The following CCSER1 variants were observed in gnomAD, a reference collection of about 807,000 sequenced individuals.
The protein encoded by CCSER1 is serine-rich coiled-coil domain-containing protein 1.
In CCSER1, 41 loss-of-function variants were observed where a neutral mutation model predicts 82.0. That is an observed-to-expected ratio of 0.50 (90% confidence interval 0.39 to 0.65). The LOEUF (loss-of-function observed/expected upper bound fraction) is 0.65. Among genes scored for constraint, CCSER1 ranks in the 30% least tolerant of loss-of-function variants. The pLI, the probability that CCSER1 is intolerant of heterozygous loss-of-function variation, is 0.00. For missense variants in CCSER1, 1,119 were observed against 1,064.2 expected (o/e 1.05, Z -0.72); for synonymous variants, 414 against 383.9 (o/e 1.08, Z -0.92).
intron 10 of CCSER1, among the ~76,000 whole-genome samples, chr4:91,473,027 A>G (rs1251787866): frequency 6.6e-6 from 1 of 151,062 alleles, no homozygotes; most frequent in Admixed American, 6.6e-5. Context: ...TGTGGTTACT[A>G]CCAACTCCAA....
chr4:91,413,260 T>C (rs1259001111), intron 10 of CCSER1, among the ~76,000 whole-genome samples: 1 of 151,994 alleles, frequency 6.6e-6, no homozygotes, highest in Non-Finnish European at 1.5e-5. Context: ...CTGGGAAACA[T>C]AGCAAGACCT....
At chr4:90,870,506 A>G (rs765056692) in intron 8 of CCSER1, among the ~76,000 whole-genome samples, 28 of 151,576 alleles carry the variant, frequency 1.8e-4, no homozygotes, top group Non-Finnish European at 1.5e-5. Flanking sequence ...TTTGCATTTG[A>G]TGAACCATTT....
chr4:91,437,320 C>T (rs931191897), intron 10 of CCSER1, among the ~76,000 whole-genome samples: 1 of 152,180 alleles, frequency 6.6e-6, no homozygotes, highest in African/African-American at 2.4e-5. Context: ...GGAATTTGAA[C>T]TGTTGTGGGA....
chr4:91,276,450 A>T (rs1310195327), intron 10 of CCSER1, among the ~76,000 whole-genome samples: 3 of 151,860 alleles, frequency 2.0e-5, no homozygotes, highest in African/African-American at 4.8e-5. Context: ...CAACCAGTTT[A>T]TGATTAGTAT....
intron 3 of CCSER1, among the ~76,000 whole-genome samples, chr4:90,315,340 A>T (rs950975405): frequency 6.6e-6 from 1 of 152,192 alleles, no homozygotes; most frequent in South Asian, 2.1e-4. Context: ...AATATTGTAC[A>T]TGTTCATTGG....
chr4:90,875,099 C>G (rs536355143), intron 8 of CCSER1, among the ~76,000 whole-genome samples: 2 of 152,178 alleles, frequency 1.3e-5, no homozygotes, highest in South Asian at 2.1e-4. Flanking sequence ...TGCATCATCT[C>G]TCTGTATCCA....
At chr4:90,415,394 C>A (rs575652567) in intron 4 of CCSER1, among the ~76,000 whole-genome samples, 1 of 152,096 alleles carries the variant, frequency 6.6e-6, no homozygotes, top group South Asian at 2.1e-4. Flanking sequence ...AAAATAAAAT[C>A]GATTAACTTT....
intron 10 of CCSER1, among the ~76,000 whole-genome samples, chr4:91,408,582 T>G (rs1340889392): frequency 1.3e-5 from 2 of 152,232 alleles, no homozygotes; most frequent in African/African-American, 2.4e-5. Flanking sequence ...TTCCTAAATT[T>G]TATTTGCCTG....
chr4:91,073,102 C>T (rs1721605564), intron 9 of CCSER1, among the ~76,000 whole-genome samples: 1 of 151,826 alleles, frequency 6.6e-6, no homozygotes, highest in South Asian at 2.1e-4. Flanking sequence ...CAGTGAATGG[C>T]TTATTACAGT....
intron 9 of CCSER1, among the ~76,000 whole-genome samples, chr4:91,000,401 T>C (rs2150475072): frequency 6.6e-6 from 1 of 151,364 alleles, no homozygotes; most frequent in South Asian, 2.1e-4. Context: ...GCTTTGGCTA[T>C]TCTTGGCTCT....
intron 10 of CCSER1, among the ~76,000 whole-genome samples, chr4:91,391,355 C>A (rs998202591): frequency 1.6e-4 from 24 of 152,298 alleles, no homozygotes; most frequent in African/African-American, 5.5e-4. Flanking sequence ...GGCTAGAATG[C>A]AGTGGCACGA....
intron 1 of CCSER1, among the ~76,000 whole-genome samples, chr4:90,144,617 A>G (rs1460030382): frequency 6.6e-6 from 1 of 152,206 alleles, no homozygotes; most frequent in Non-Finnish European, 1.5e-5. Context: ...TCTAGTCATC[A>G]TTTCAGTCAT....
intron 9 of CCSER1, among the ~76,000 whole-genome samples, chr4:91,084,905 A>T (rs1391829278): frequency 6.6e-6 from 1 of 152,046 alleles, no homozygotes; most frequent in African/African-American, 2.4e-5. Flanking sequence ...AACCCTGAAA[A>T]TTTTTTAAAC....
chr4:91,136,324 GT>G (rs1466028272), intron 10 of CCSER1, among the ~76,000 whole-genome samples: 2 of 152,120 alleles, frequency 1.3e-5, no homozygotes, highest in Non-Finnish European at 2.9e-5. Flanking sequence ...TATTGGGGTT[GT>G]TTCCTTCAAA....
chr4:91,372,638 A>T (rs1180825551), intron 10 of CCSER1, among the ~76,000 whole-genome samples: 1 of 152,156 alleles, frequency 6.6e-6, no homozygotes, highest in African/African-American at 2.4e-5. Context: ...ATAAAAACTT[A>T]CAGAAGTTAC....
intron 1 of CCSER1, among the ~76,000 whole-genome samples, chr4:90,193,207 A>G (rs1451242316): frequency 6.6e-6 from 1 of 152,152 alleles, no homozygotes; most frequent in African/African-American, 2.4e-5. Flanking sequence ...CATGTATAAG[A>G]GACCCAGCTT....
intron 4 of CCSER1, among the ~76,000 whole-genome samples, chr4:90,424,919 A>G (rs189848029): frequency 6.6e-6 from 1 of 152,308 alleles, no homozygotes; most frequent in East Asian, 1.9e-4. Context: ...AAAATTTGAA[A>G]CCAGGTGTCA....
chr4:90,897,093 CT>C (rs964205204), intron 8 of CCSER1, among the ~76,000 whole-genome samples: 7 of 151,562 alleles, frequency 4.6e-5, no homozygotes, highest in Non-Finnish European at 8.8e-5. Flanking sequence ...ACCAATTACA[CT>C]TTTTTTTACT....
At chr4:90,803,860 T>C (rs112892408) in intron 7 of CCSER1, among the ~76,000 whole-genome samples, 51,728 of 151,928 alleles carry the variant, frequency 0.34, 9,012 homozygotes, top group East Asian at 0.42. Flanking sequence ...TCTCCACATC[T>C]TCTCCAGCAT....
Sources: allele counts gnomAD v4.1 joint callset (sites outside exome capture counted in the v4.1 genomes callset), GRCh38; gene constraint gnomAD v4.1.1; transcripts MANE v1.5; gene names NCBI Gene and HGNC (gene_info 2026-07-23, HGNC 2026-07-21).